ELMO1: variants seen among roughly 807,000 people sequenced by gnomAD.
ELMO1 encodes the protein engulfment and cell motility 1.
ELMO1 carries 26 observed loss-of-function variants against 98.9 expected under a neutral mutation model. The ratio of observed to expected loss-of-function variants is 0.26; its 90% CI spans 0.19 to 0.36. ELMO1 has a LOEUF of 0.36. Among genes scored for constraint, ELMO1 ranks in the 10% least tolerant of loss-of-function variants. The probability of loss-of-function intolerance (pLI) is 1.00; values close to 1 mark genes in which losing one functional copy is unlikely to be tolerated. For missense variants in ELMO1, 627 were observed against 935.2 expected (o/e 0.67, Z 4.30); for synonymous variants, 346 against 346.0 (o/e 1.00, Z 0.00).
intron 3 of ELMO1, among the ~76,000 whole-genome samples, chr7:37,315,541 C>T (rs988452699): frequency 1.3e-5 from 2 of 152,218 alleles, no homozygotes; most frequent in Non-Finnish European, 1.5e-5. Context: ...TTACCCACTG[C>T]CTTGTCTGTT....
chr7:37,013,045 TGC>T (rs1395541216), intron 16 of ELMO1, among the ~76,000 whole-genome samples: 1 of 152,208 alleles, frequency 6.6e-6, no homozygotes, highest in African/African-American at 2.4e-5. Context: ...AAAAACTCTC[TGC>T]TGGTGGCTCC....
At chr7:37,201,312 C>T (rs976953376) in intron 13 of ELMO1, among the ~76,000 whole-genome samples, 5 of 152,152 alleles carry the variant, frequency 3.3e-5, no homozygotes, top group African/African-American at 1.2e-4. Flanking sequence ...CTTTCAACCC[C>T]CAAATACATT....
chr7:37,262,484 C>A (rs1006686829), intron 5 of ELMO1, among the ~76,000 whole-genome samples: 2 of 152,168 alleles, frequency 1.3e-5, no homozygotes, highest in African/African-American at 2.4e-5. Flanking sequence ...GAACTATTCA[C>A]CCCTCTCCTT....
At chr7:36,939,973 A>C (rs1786888327) in intron 16 of ELMO1, among the ~76,000 whole-genome samples, 1 of 152,204 alleles carries the variant, frequency 6.6e-6, no homozygotes, top group Non-Finnish European at 1.5e-5. Flanking sequence ...GTGCTCAATA[A>C]ATACTGGTTG....
At chr7:37,403,449 T>G (rs539398611) in intron 1 of ELMO1, among the ~76,000 whole-genome samples, 40 of 151,962 alleles carry the variant, frequency 2.6e-4, no homozygotes, top group Non-Finnish European at 4.4e-4. Context: ...GGTAGGGGGG[T>G]GCATAGGTGA....
intron 15 of ELMO1, among the ~76,000 whole-genome samples, chr7:37,062,723 C>T (rs186391227): frequency 4.9e-4 from 75 of 152,262 alleles, no homozygotes; most frequent in African/African-American, 1.7e-3. Flanking sequence ...CCTCCTGGAC[C>T]TGGTAAATTA....
At chr7:37,067,886 T>C (rs554802484) in intron 15 of ELMO1, among the ~76,000 whole-genome samples, 1 of 152,124 alleles carries the variant, frequency 6.6e-6, no homozygotes, top group African/African-American at 2.4e-5. Flanking sequence ...GAAGGATGAG[T>C]TGAAATATAA....
intron 16 of ELMO1, among the ~76,000 whole-genome samples, chr7:36,906,866 G>A (rs1362154783): frequency 6.6e-6 from 1 of 152,046 alleles, no homozygotes; most frequent in Non-Finnish European, 1.5e-5. Context: ...CAATTTAGGG[G>A]CAGGAAAACA....
intron 13 of ELMO1, among the ~76,000 whole-genome samples, chr7:37,201,785 CT>C (rs1792312251): frequency 1.3e-5 from 2 of 152,234 alleles, no homozygotes; most frequent in Admixed American, 6.5e-5. Context: ...TATTTCTGCT[CT>C]GGTTCACTAA....
chr7:37,185,050 G>A (rs930946539), intron 13 of ELMO1, among the ~76,000 whole-genome samples: 1 of 152,100 alleles, frequency 6.6e-6, no homozygotes, highest in Non-Finnish European at 1.5e-5. Context: ...TAGAGTATAG[G>A]CTAATGTAAA....
intron 16 of ELMO1, among the ~76,000 whole-genome samples, chr7:36,911,324 T>C (rs1784326793): frequency 6.6e-6 from 1 of 151,988 alleles, no homozygotes; most frequent in African/African-American, 2.4e-5. Flanking sequence ...CAAACCAACA[T>C]GACACAGTAG....
At chr7:37,033,333 T>G (rs1794983905) in intron 15 of ELMO1, 1 of 451,400 alleles carries the variant, frequency 2.2e-6, no homozygotes, top group Non-Finnish European at 4.4e-6. Flanking sequence ...TAAAAATACT[T>G]GCCACCTACT....
intron 15 of ELMO1, among the ~76,000 whole-genome samples, chr7:37,014,760 T>C (rs527266338): frequency 2.0e-5 from 3 of 152,038 alleles, no homozygotes; most frequent in African/African-American, 7.2e-5. Flanking sequence ...TTAAGGTCAA[T>C]TCATCCTCAA....
intron 16 of ELMO1, among the ~76,000 whole-genome samples, chr7:36,999,339 A>G (rs1363049697): frequency 6.6e-6 from 1 of 152,200 alleles, no homozygotes; most frequent in Non-Finnish European, 1.5e-5. Flanking sequence ...GACGTGGTCC[A>G]ATATTGGCCA....
chr7:37,114,531 A>C (rs1199828225), intron 14 of ELMO1, among the ~76,000 whole-genome samples: 1 of 152,140 alleles, frequency 6.6e-6, no homozygotes, highest in Non-Finnish European at 1.5e-5. Context: ...ACCCATATTT[A>C]GCGCCATGAA....
chr7:37,267,622 C>T (rs1796334437), intron 5 of ELMO1, among the ~76,000 whole-genome samples: 1 of 152,218 alleles, frequency 6.6e-6, no homozygotes. Context: ...TTTCAAAATC[C>T]TGACCCCACA....
intron 18 of ELMO1, among the ~76,000 whole-genome samples, chr7:36,879,702 C>T (rs1804265744): frequency 6.6e-6 from 1 of 152,082 alleles, no homozygotes; most frequent in Non-Finnish European, 1.5e-5. Flanking sequence ...TACGGCAATC[C>T]ATAGATTTAA....
chr7:37,064,959 T>C (rs1316200464), intron 15 of ELMO1, among the ~76,000 whole-genome samples: 4 of 152,208 alleles, frequency 2.6e-5, no homozygotes, highest in African/African-American at 9.6e-5. Context: ...AATTCTGAGC[T>C]GCCCACTGTT....
At chr7:37,408,786 T>C (rs183741532) in intron 1 of ELMO1, among the ~76,000 whole-genome samples, 2 of 152,102 alleles carry the variant, frequency 1.3e-5, no homozygotes, top group Non-Finnish European at 2.9e-5. Context: ...CGTTTTTCAG[T>C]GGGTATAGAT....
Sources: gnomAD v4.1 joint callset for allele counts (sites outside exome capture counted in the v4.1 genomes callset) on GRCh38, gnomAD v4.1.1 for gene constraint, MANE v1.5 for transcripts, NCBI Gene and HGNC (gene_info 2026-07-23, HGNC 2026-07-21) for gene names.